Variants in C6orf132 observed in about 807,000 individuals in gnomAD.
The protein encoded by C6orf132 is uncharacterized protein C6orf132.
In C6orf132, 43 loss-of-function variants were observed where a neutral mutation model predicts 65.3. That is an observed-to-expected ratio of 0.66 (90% CI 0.52 to 0.85). The LOEUF is 0.85. Among genes scored for constraint, C6orf132 ranks in the 40% least tolerant of loss-of-function variants. The pLI is 0.00. For synonymous variants in C6orf132, 631 were observed against 654.1 expected (o/e 0.96, Z 0.54); for missense variants, 1,488 against 1,548.8 (o/e 0.96, Z 0.66).
chr6:42,131,526 TAAACTACCATAC>T (rs1766853359), intron 1 of C6orf132, among the ~76,000 whole-genome samples: 1 of 152,214 alleles, frequency 6.6e-6, no homozygotes. Flanking sequence ...GCCTGACTTC[TAAACTACCATAC>T]ATACACCCCT....
chr6:42,126,847 CAAA>C (rs35231653), intron 2 of C6orf132: 799 of 347,414 alleles, frequency 2.3e-3, no homozygotes, highest in South Asian at 7.3e-3. Flanking sequence ...ACTCAGTCTG[CAAA>C]AAAAAAAAAA....
intron 2 of C6orf132, among the ~76,000 whole-genome samples, chr6:42,121,791 C>G (rs1434535337): frequency 6.6e-6 from 1 of 152,164 alleles, no homozygotes; most frequent in African/African-American, 2.4e-5. Flanking sequence ...TGACCCTGAA[C>G]CTGAGTTAGA....
intron 3 of C6orf132, 50 bp from the exon 4 acceptor site, chr6:42,107,633 C>G (rs1766435538): frequency 1.3e-6 from 2 of 1,549,104 alleles, no homozygotes; most frequent in Admixed American, 2.0e-5. Flanking sequence ...GCAGACTAGC[C>G]CTGCCAATTT....
intron 1 of C6orf132, among the ~76,000 whole-genome samples, chr6:42,130,410 G>GA (rs1487505400): frequency 7.9e-5 from 12 of 152,306 alleles, no homozygotes; most frequent in Admixed American, 7.8e-4. Context: ...CCTCACTTCC[G>GA]AGAGTCTGCG....
At position 42,104,624 on chromosome 6, in the gene C6orf132, G is replaced by T; in HGVS notation, c.3288C>A (p.Pro1096=). 1 of 1,385,058 alleles carries T rather than the reference G, an allele frequency of 7.2e-7. No individual in the cohort carries two copies. The highest frequency in any genetic ancestry group is 9.3e-7 in the Non-Finnish European group (1 of 1,075,502). The allele number at this position is 1,385,058 out of a possible 1,614,324, so 85.8% of individuals were successfully genotyped here. ...TCACGCGCCGCATCTCGGGGCCTCC[G>T]GGCTGCGGCCCGAAGCAGTTGGGAG... The part of the protein sequence containing the change: ...LSSPNCFGPQ[P]GGPEMRRVNS... The change falls in exon 4 of 5, where the codon CCC becomes CCA. Residue 1096 remains proline (P), a synonymous_variant. Transcript: ENST00000341865. The surrounding 1 kb of genome is among the most constrained non-coding windows in gnomAD (Gnocchi z 4.1).
At chr6:42,128,100 T>A (rs531183599) in intron 2 of C6orf132, among the ~76,000 whole-genome samples, 106 of 151,506 alleles carry the variant, frequency 7.0e-4, no homozygotes, top group African/African-American at 2.1e-3. Flanking sequence ...TTTTTTTTTT[T>A]TATATTTAGT....
rs181347437 is a variant in C6orf132, at chr6:42,102,700, G to A, written c.*1061C>T. 7 of 169,028 alleles carry A rather than the reference G, an allele frequency of 4.1e-5. No homozygotes were observed. Among genetic ancestry groups the A allele is most frequent in the Admixed American group, 6.4e-5 (1 of 15,696 alleles). The allele number at this position is 169,028 out of a possible 1,614,324, so 10.5% of individuals were successfully genotyped here. ...TGGGATTACAGGTGTGAGCCACCGC[G>A]CCCAGCCAACCAATCCTACCACTCT... On this transcript the variant is annotated 3_prime_UTR_variant, in exon 5 of 5. Coordinates refer to ENST00000341865, the MANE Select transcript of C6orf132 (RefSeq NM_001164446.3).
At position 42,105,141 on chromosome 6, in the gene C6orf132, G is replaced by C. The variant is rs755728475; in HGVS notation, c.2771C>G (p.Ala924Gly). 6.5e-7 allele frequency: 1 copy of C among 1,537,032 alleles called. No homozygotes were observed. The highest frequency in any genetic ancestry group is 8.7e-7 in the Non-Finnish European group (1 of 1,146,818). Reference sequence around the variant, plus strand: ...CCTGCGGCTCAGCTCTGTGCCCTCTGCGTCTCTTCCCAGCCGCGGCCCCCA... The same window carrying C: ...CCTGCGGCTCAGCTCTGTGCCCTCTCCGTCTCTTCCCAGCCGCGGCCCCCA... ...NKWGPRLGRD[A>G]EGTELSRRHN... Residue 924 changes from alanine (A) to glycine (G), a missense_variant, in exon 4 of 5, where the codon GCA (alanine) becomes GGA (glycine). Physicochemically the swap from Ala to Gly is moderately conservative, Grantham distance 60. Transcript: ENST00000341865.
Position 42,103,582 on chromosome 6 carries a change from C to G in C6orf132, c.*179G>C. The G allele has an allele frequency of 2.5e-6, 1 of 406,076 alleles. No individual in the cohort carries two copies. The highest frequency in any genetic ancestry group is 3.6e-5 in the East Asian group (1 of 27,756). The allele number at this position is 406,076 out of a possible 1,614,324, so 25.2% of individuals were successfully genotyped here. On this transcript the variant is annotated 3_prime_UTR_variant, in exon 5 of 5. Coordinates refer to ENST00000341865, the MANE Select transcript of C6orf132 (RefSeq NM_001164446.3). Reference sequence around the variant, plus strand: ...CACCAGCGCTTTGGGAAACAGAAGCCCACTCTCGGTCTTCCTGGGCCACTG... The same window carrying G: ...CACCAGCGCTTTGGGAAACAGAAGCGCACTCTCGGTCTTCCTGGGCCACTG...
At chr6:42,128,481 G>T (rs1766800497) in intron 2 of C6orf132, among the ~76,000 whole-genome samples, 191 bp downstream of exon 2, 1 of 152,036 alleles carries the variant, frequency 6.6e-6, no homozygotes, top group African/African-American at 2.4e-5. Flanking sequence ...GAACGAGCTG[G>T]CATTCCTAAT....
rs1366169059 is a variant in C6orf132 at position 42,106,995 on chromosome 6, G to T, written c.917C>A (p.Pro306His). 3 of 1,535,244 alleles carry T rather than the reference G, an allele frequency of 2.0e-6. No homozygotes were observed. The African/African-American group carries it at 4.1e-5, about 21-fold the overall frequency. ...GGACGAAGTCCTGACTGGGGTTGGG[G>T]GAGGCACTTTGAAAGAACGGGGGAA... Reference protein sequence around the residue: ...LTFPRSFKVPPPTPVRTSSIP... With the variant: ...LTFPRSFKVPHPTPVRTSSIP... Residue 306 changes from proline to histidine, a missense_variant, in exon 4 of 5, where the codon CCC (proline) becomes CAC (histidine). Coordinates refer to ENST00000341865, the MANE Select transcript of C6orf132 (RefSeq NM_001164446.3).
intron 2 of C6orf132, among the ~76,000 whole-genome samples, chr6:42,119,858 G>A (rs56341243): frequency 6.6e-6 from 1 of 151,870 alleles, no homozygotes; most frequent in Non-Finnish European, 1.5e-5. Flanking sequence ...CACTTTGGGA[G>A]GCCGAGGTGG....
chr6:42,112,090 T>C (rs1159511814), intron 2 of C6orf132, among the ~76,000 whole-genome samples: 1 of 152,214 alleles, frequency 6.6e-6, no homozygotes, highest in Non-Finnish European at 1.5e-5. Flanking sequence ...CAGCTGTACC[T>C]GTCATTCCCA....
At chr6:42,139,155 C>A (rs1562043836) in intron 1 of C6orf132, among the ~76,000 whole-genome samples, 1 of 152,292 alleles carries the variant, frequency 6.6e-6, no homozygotes, top group East Asian at 1.9e-4. Flanking sequence ...ATTTTCCTCC[C>A]TTCCATTCCA....
At chr6:42,136,893 C>G (rs1023173543) in intron 1 of C6orf132, among the ~76,000 whole-genome samples, 2 of 152,156 alleles carry the variant, frequency 1.3e-5, no homozygotes, top group African/African-American at 4.8e-5. Context: ...GCCGCCCCCC[C>G]AGCCCTGCAG....
chr6:42,121,455 G>A (rs1232533022), intron 2 of C6orf132, among the ~76,000 whole-genome samples: 2 of 152,220 alleles, frequency 1.3e-5, no homozygotes, highest in African/African-American at 4.8e-5. Context: ...TGGGGGCTGG[G>A]GCCCACTGCT....
Position 42,125,954 on chromosome 6 carries a change from G to A in C6orf132, c.252+2718C>T, listed in dbSNP as rs140301424. On this transcript the variant is annotated intron_variant, in intron 2 of 4. Coordinates refer to ENST00000341865, the MANE Select transcript of C6orf132 (RefSeq NM_001164446.3). ...CACCAATCAGAACGAACTCAGCTGG[G>A]CCCACATTAACTCTTTAGTTGCTGC... 9.6e-3 allele frequency among the ~76,000 whole-genome samples: 1,462 copies of A among 151,986 alleles called. 18 individuals carry two copies. Among genetic ancestry groups the A allele is most frequent in the African/African-American group, 0.033 (1,362 of 41,444 alleles).
chr6:42,127,733 G>A (rs1364947861), intron 2 of C6orf132, among the ~76,000 whole-genome samples: 2 of 152,188 alleles, frequency 1.3e-5, no homozygotes, highest in African/African-American at 2.4e-5. Flanking sequence ...GAGCCTGGCT[G>A]TTTAGGCCTG....
At chr6:42,117,946 A>AG (rs1766607758) in intron 2 of C6orf132, among the ~76,000 whole-genome samples, 1 of 150,582 alleles carries the variant, frequency 6.6e-6, no homozygotes. Context: ...AAAAAAAAAA[A>AG]AAAAGAATAT....
Sources: allele counts gnomAD v4.1 joint callset (sites outside exome capture counted in the v4.1 genomes callset), GRCh38; gene constraint gnomAD v4.1.1; non-coding constraint Gnocchi (gnomAD v3.1); transcripts MANE v1.5; gene names NCBI Gene and HGNC (gene_info 2026-07-23, HGNC 2026-07-21).